OPCML: variants seen among roughly 807,000 people sequenced by gnomAD.
OPCML encodes opioid binding protein/cell adhesion molecule like.
In OPCML, 13 loss-of-function variants were observed where a neutral mutation model predicts 37.8. The observed-to-expected ratio is 0.34, with a 90% CI of 0.22 to 0.55. The LOEUF (loss-of-function observed/expected upper bound fraction) is 0.55, where lower values mean the gene tolerates loss of function less well. Ranked by LOEUF, OPCML falls within the 20% of genes least tolerant of loss-of-function variation. The pLI is 0.91. For missense variants in OPCML, 341 were observed against 435.6 expected (o/e 0.78, Z 1.93); for synonymous variants, 176 against 168.8 (o/e 1.04, Z -0.33).
intron 1 of OPCML, among the ~76,000 whole-genome samples, chr11:133,369,839 T>C (rs1944634251): frequency 6.6e-6 from 1 of 152,192 alleles, no homozygotes; most frequent in Non-Finnish European, 1.5e-5. Context: ...ATGGTATAGG[T>C]TGGCTGTTCC....
chr11:132,439,616 T>A (rs569906272), intron 4 of OPCML, among the ~76,000 whole-genome samples: 3 of 152,124 alleles, frequency 2.0e-5, no homozygotes, highest in African/African-American at 7.2e-5. Flanking sequence ...CAAAGAAAAA[T>A]TAGTTGATCA....
intron 1 of OPCML, among the ~76,000 whole-genome samples, chr11:133,091,396 C>T (rs1948903912): frequency 2.0e-5 from 3 of 152,198 alleles, no homozygotes; most frequent in South Asian, 4.1e-4. Context: ...CAGAACTGTA[C>T]AGCCACCAGA....
At chr11:133,322,784 C>G (rs938734406) in intron 1 of OPCML, among the ~76,000 whole-genome samples, 4 of 152,166 alleles carry the variant, frequency 2.6e-5, no homozygotes, top group African/African-American at 9.7e-5. Context: ...CTCAATATGT[C>G]CAGTTTTTAG....
chr11:132,511,581 T>C (rs554734649), intron 4 of OPCML, among the ~76,000 whole-genome samples: 126 of 151,928 alleles, frequency 8.3e-4, no homozygotes, highest in African/African-American at 3.0e-3. Context: ...GAATAGAAAA[T>C]AAGAGAGATT....
intron 3 of OPCML, among the ~76,000 whole-genome samples, chr11:132,586,672 C>T (rs1251512826): frequency 6.6e-6 from 1 of 152,172 alleles, no homozygotes; most frequent in Non-Finnish European, 1.5e-5. Context: ...TAGAATATCA[C>T]ATTAATCTAC....
At chr11:132,589,413 A>G (rs1336482597) in intron 3 of OPCML, among the ~76,000 whole-genome samples, 2 of 152,242 alleles carry the variant, frequency 1.3e-5, no homozygotes, top group Non-Finnish European at 2.9e-5. Context: ...ACTGAGAACT[A>G]GAATTATCTA....
In OPCML at chr11:132,865,697, T is replaced by C. The variant is rs545571662; in HGVS notation, c.146+77229A>G. 2.0e-5 allele frequency among the ~76,000 whole-genome samples: 3 copies of C among 152,220 alleles called. No homozygotes were observed. In the South Asian group the frequency reaches 6.2e-4, roughly 32 times the overall value. On this transcript the variant is annotated intron_variant, in intron 2 of 7. Coordinates refer to ENST00000524381, the MANE Select transcript of OPCML (RefSeq NM_001012393.5). ...GGGAGTCGCCAAGACCAAGGCCAAA[T>C]CGAGAGCAATGATCTGAGAACATGG...
intron 4 of OPCML, among the ~76,000 whole-genome samples, chr11:132,441,170 T>TTTTGTTTTTTTTTTTTTTG (rs2096032352): frequency 1.8e-5 from 2 of 113,526 alleles, no homozygotes; most frequent in Admixed American, 9.0e-5. Context: ...TTTTTGTTTT[T>TTTTGTTTTTTTTTTTTTTG]TTTTTTTTTT....
intron 2 of OPCML, among the ~76,000 whole-genome samples, chr11:132,700,644 G>A (rs1943769571): frequency 6.6e-6 from 1 of 152,260 alleles, no homozygotes; most frequent in Admixed American, 6.5e-5. Context: ...GGTCAGAAGA[G>A]GAACTTGATA....
chr11:133,291,843 G>T (rs1442925786), intron 1 of OPCML, among the ~76,000 whole-genome samples: 1 of 152,168 alleles, frequency 6.6e-6, no homozygotes, highest in African/African-American at 2.4e-5. Flanking sequence ...TTTTCAAGCT[G>T]CCCACACACA....
At chr11:132,961,687 G>A (rs758578649) in intron 1 of OPCML, among the ~76,000 whole-genome samples, 37 of 152,234 alleles carry the variant, frequency 2.4e-4, no homozygotes, top group Non-Finnish European at 5.9e-5. Context: ...TTCCTCATCT[G>A]TACGATGAGC....
rs117750332 is a variant in OPCML, at chr11:133,125,360, C to T, written c.62-182350G>A. On this transcript the variant is annotated intron_variant, in intron 1 of 7. Transcript: ENST00000524381. The stretch of plus-strand genomic sequence containing the variant: ...TAATTCAGCCTCTATCTCTTTTTCT[C>T]TTCCTCTCTACCCCACCAATGCTGC... 7.6e-4 allele frequency among the ~76,000 whole-genome samples: 116 copies of T among 152,112 alleles called. 1 individual carries two copies. The East Asian group carries it at 0.021, about 27-fold the overall frequency.
chr11:132,661,703 C>T lies in OPCML; in HGVS notation c.147-4384G>A, dbSNP rs560641104. Among the ~76,000 whole-genome samples the T allele has an allele frequency of 2.0e-5, 3 of 152,190 alleles. No individual in the cohort carries two copies. In the South Asian group the frequency reaches 6.2e-4, roughly 32 times the overall value. ...TTCTTACATTCCAAGCTAACCCTACCTACTGATCCTTGATAAAACAGAACT... is the reference window on the plus strand; with the variant it reads ...TTCTTACATTCCAAGCTAACCCTACTTACTGATCCTTGATAAAACAGAACT... On this transcript the variant is annotated intron_variant, in intron 2 of 7. Transcript: ENST00000524381.
intron 4 of OPCML, among the ~76,000 whole-genome samples, chr11:132,461,723 A>T (rs1286645709): frequency 2.0e-5 from 3 of 152,186 alleles, no homozygotes; most frequent in Non-Finnish European, 4.4e-5. Flanking sequence ...ATTGACTCAC[A>T]GTTCTGCAGG....
chr11:132,868,510 A>T (rs1201858751), intron 2 of OPCML, among the ~76,000 whole-genome samples: 2 of 151,610 alleles, frequency 1.3e-5, no homozygotes, highest in African/African-American at 2.4e-5. Flanking sequence ...ATTGAAAAAA[A>T]CTTTGTTTCC....
At chr11:132,720,721 G>A (rs1168642939) in intron 2 of OPCML, among the ~76,000 whole-genome samples, 2 of 152,074 alleles carry the variant, frequency 1.3e-5, no homozygotes, top group East Asian at 3.9e-4. Context: ...GACTGACCTA[G>A]GATCCAATTA....
intron 1 of OPCML, among the ~76,000 whole-genome samples, chr11:132,995,477 C>G (rs570659450): frequency 1.4e-5 from 2 of 143,260 alleles, no homozygotes; most frequent in South Asian, 5.0e-4. Flanking sequence ...TTCCCTCTGT[C>G]TCTCCTTCCT....
At chr11:133,276,402 G>A (rs569374450) in intron 1 of OPCML, among the ~76,000 whole-genome samples, 1 of 152,250 alleles carries the variant, frequency 6.6e-6, no homozygotes, top group South Asian at 2.1e-4. Context: ...TCAGGAGTAG[G>A]CAGTGGGGTC....
intron 1 of OPCML, among the ~76,000 whole-genome samples, chr11:133,099,276 T>C (rs78126853): frequency 2.0e-5 from 3 of 151,432 alleles, no homozygotes; most frequent in East Asian, 1.9e-4. Context: ...TTTTTTTTTT[T>C]CTTTGAGACA....
Sources: allele counts gnomAD v4.1 joint callset (sites outside exome capture counted in the v4.1 genomes callset), GRCh38; gene constraint gnomAD v4.1.1; transcripts MANE v1.5; gene names NCBI Gene and HGNC (gene_info 2026-07-23, HGNC 2026-07-21).